RAB38: variants seen among roughly 807,000 people sequenced by gnomAD.
RAB38 encodes the protein ras-related protein Rab-38.
A neutral mutation model predicts 18.4 loss-of-function variants in RAB38; 15 were observed. That is an observed-to-expected ratio of 0.82 (90% confidence interval 0.55 to 1.26). RAB38 has a LOEUF of 1.26. Among genes scored for constraint, RAB38 ranks in the 50% most tolerant of loss-of-function variants. The probability of loss-of-function intolerance (pLI) is 0.00; values close to 1 mark genes in which losing one functional copy is unlikely to be tolerated. For synonymous variants in RAB38, 101 were observed against 104.4 expected, an observed-to-expected ratio of 0.97 and a Z score of 0.20; for missense variants, 294 against 267.4, an observed-to-expected ratio of 1.10 and a Z score of -0.69.
the RAB38 span, among the ~76,000 whole-genome samples, chr11:88,027,137 T>A: frequency 2.8e-3 from 426 of 152,320 alleles, no homozygotes; most frequent in Non-Finnish European, 4.3e-3. Flanking sequence ...TGAGAAAGTT[T>A]CCTTTCTATT....
chr11:88,072,137 G>A, the RAB38 span, among the ~76,000 whole-genome samples: 1 of 152,150 alleles, frequency 6.6e-6, no homozygotes, highest in African/African-American at 2.4e-5. Context: ...TCATATGCTG[G>A]AAATACCAGA....
the RAB38 span, among the ~76,000 whole-genome samples, chr11:87,930,190 A>T: frequency 6.6e-5 from 10 of 152,032 alleles, no homozygotes; most frequent in Non-Finnish European, 1.5e-4. Flanking sequence ...AACAGTGTAA[A>T]AGTGTTCCTA....
At chr11:88,174,054 A>G in intron 1 of RAB38, 2 of 985,418 alleles carry the variant, frequency 2.0e-6, no homozygotes, top group Non-Finnish European at 2.4e-6. Context: ...GGTGTCACAG[A>G]CCATGAAATA....
At chr11:87,871,573 TATAA>T in the RAB38 span, among the ~76,000 whole-genome samples, 1 of 151,538 alleles carries the variant, frequency 6.6e-6, no homozygotes, top group Admixed American at 6.6e-5. Flanking sequence ...TTTATAAAAA[TATAA>T]ATATAGAAAA....
the RAB38 span, among the ~76,000 whole-genome samples, chr11:87,941,432 A>T: frequency 6.6e-6 from 1 of 151,154 alleles, no homozygotes; most frequent in Non-Finnish European, 1.5e-5. Context: ...TGTTGAGTTG[A>T]GTTTCTCAAA....
chr11:87,898,427 G>A, the RAB38 span, among the ~76,000 whole-genome samples: 2 of 151,734 alleles, frequency 1.3e-5, no homozygotes, highest in East Asian at 2.0e-4. Flanking sequence ...ATCACTCAGA[G>A]AGTGTAAATC....
At chr11:87,849,066 A>T in the RAB38 span, among the ~76,000 whole-genome samples, 1 of 152,114 alleles carries the variant, frequency 6.6e-6, no homozygotes, top group African/African-American at 2.4e-5. Context: ...CAGTTGAAAC[A>T]GTACTATGGA....
At chr11:87,827,051 A>G in the RAB38 span, among the ~76,000 whole-genome samples, 1 of 152,178 alleles carries the variant, frequency 6.6e-6, no homozygotes, top group Admixed American at 6.5e-5. Flanking sequence ...TGAGGTAACA[A>G]TAAGGAGTAC....
At chr11:87,882,291 A>C in the RAB38 span, among the ~76,000 whole-genome samples, 1 of 151,858 alleles carries the variant, frequency 6.6e-6, no homozygotes, top group African/African-American at 2.4e-5. Flanking sequence ...AATCTAGCAT[A>C]TTGCCTGTAA....
At chr11:87,861,139 A>G in the RAB38 span, among the ~76,000 whole-genome samples, 2 of 152,078 alleles carry the variant, frequency 1.3e-5, no homozygotes, top group African/African-American at 4.8e-5. Flanking sequence ...TAAAGCCCAC[A>G]GCTGCAGACT....
the RAB38 span, among the ~76,000 whole-genome samples, chr11:88,046,981 AG>A: frequency 6.6e-6 from 1 of 152,144 alleles, no homozygotes; most frequent in Admixed American, 6.5e-5. Flanking sequence ...CATGCCCTGT[AG>A]CCTTTTTATC....
chr11:87,914,113 G>C, the RAB38 span, among the ~76,000 whole-genome samples: 1 of 151,964 alleles, frequency 6.6e-6, no homozygotes, highest in Non-Finnish European at 1.5e-5. Flanking sequence ...GAGTTTGGAG[G>C]ATTAGGCTTG....
the RAB38 span, among the ~76,000 whole-genome samples, chr11:87,904,283 A>G: frequency 6.6e-6 from 1 of 151,596 alleles, no homozygotes; most frequent in Non-Finnish European, 1.5e-5. Context: ...TGTTATTGGC[A>G]TCTTTATGTC....
At chr11:88,070,378 A>G in the RAB38 span, among the ~76,000 whole-genome samples, 2 of 152,180 alleles carry the variant, frequency 1.3e-5, no homozygotes, top group Non-Finnish European at 2.9e-5. Context: ...CAGAAGGAAC[A>G]AACTCCGGAC....
At chr11:87,907,961 A>G in the RAB38 span, among the ~76,000 whole-genome samples, 1 of 151,804 alleles carries the variant, frequency 6.6e-6, no homozygotes, top group Non-Finnish European at 1.5e-5. Context: ...CTATTAGAAA[A>G]TGATGTCTGA....
chr11:87,878,222 T>TATATATATATATATATATACACACAC, the RAB38 span, among the ~76,000 whole-genome samples: 260 of 116,176 alleles, frequency 2.2e-3, 15 homozygotes, highest in African/African-American at 0.011. Context: ...TATATATATA[T>TATATATATATATATATATACACACAC]ACACACATAT....
the RAB38 span, among the ~76,000 whole-genome samples, chr11:87,889,721 C>T: frequency 6.6e-6 from 1 of 151,814 alleles, no homozygotes; most frequent in Admixed American, 6.6e-5. Flanking sequence ...CAGAGTTTTT[C>T]TGACTTCAAA....
the RAB38 span, among the ~76,000 whole-genome samples, chr11:87,912,289 T>C: frequency 6.6e-6 from 1 of 152,008 alleles, no homozygotes; most frequent in African/African-American, 2.4e-5. Flanking sequence ...TTATTTTTTC[T>C]CTTTGTTTAG....
At chr11:88,099,971 C>T in the RAB38 span, 21 of 151,900 alleles carry the variant, frequency 1.4e-4, no homozygotes, top group East Asian at 3.9e-3. Context: ...ACTTCATTCT[C>T]CCAGTTTTAT....
Sources: gnomAD v4.1 joint callset for allele counts (sites outside exome capture counted in the v4.1 genomes callset) on GRCh38, gnomAD v4.1.1 for gene constraint, MANE v1.5 for transcripts, NCBI Gene and HGNC (gene_info 2026-07-23, HGNC 2026-07-21) for gene names.